The following LPP variants were observed in gnomAD, a reference collection of about 807,000 sequenced individuals.
LPP encodes LIM domain containing preferred translocation partner in lipoma, also known as lipoma-preferred partner.
Under a neutral mutation model 60.4 loss-of-function variants are expected in LPP, and 38 were observed. That is an observed-to-expected ratio of 0.63 (90% CI 0.49 to 0.83). The LOEUF (loss-of-function observed/expected upper bound fraction) is 0.83, where lower values mean the gene tolerates loss of function less well. Ranked by LOEUF, LPP falls within the 40% of genes least tolerant of loss-of-function variation. LPP has a pLI of 0.00. For missense variants in LPP, 902 were observed against 783.6 expected, an observed-to-expected ratio of 1.15 and a Z score of -1.80; for synonymous variants, 328 against 290.8, an observed-to-expected ratio of 1.13 and a Z score of -1.30.
At chr3:188,559,785 T>C (rs1199187888) in intron 6 of LPP, among the ~76,000 whole-genome samples, 2 of 152,106 alleles carry the variant, frequency 1.3e-5, no homozygotes, top group African/African-American at 4.8e-5. Flanking sequence ...CAATTTCTCG[T>C]CCGAGAATAT....
At chr3:188,438,929 A>T (rs9882818) in intron 4 of LPP, among the ~76,000 whole-genome samples, 1 of 151,918 alleles carries the variant, frequency 6.6e-6, no homozygotes. Context: ...CATTGAATGC[A>T]TATGTCTATT....
chr3:188,592,562 T>TTTGTTTG (rs1560607436), intron 6 of LPP, among the ~76,000 whole-genome samples: 1 of 53,748 alleles, frequency 1.9e-5, no homozygotes, highest in African/African-American at 5.9e-5. Context: ...TTTTTGTTTT[T>TTTGTTTG]TAAATGGAGT....
chr3:188,284,005 A>G (rs1376782150), intron 2 of LPP, among the ~76,000 whole-genome samples: 1 of 151,922 alleles, frequency 6.6e-6, no homozygotes, highest in Non-Finnish European at 1.5e-5. Context: ...AAATTAATAA[A>G]ACAAAAAGAG....
intron 3 of LPP, among the ~76,000 whole-genome samples, chr3:188,375,824 C>A (rs1338488322): frequency 6.6e-6 from 1 of 151,974 alleles, no homozygotes; most frequent in African/African-American, 2.4e-5. Context: ...ATCTTTCCTG[C>A]TTCTCTTGTG....
At chr3:188,765,878 TTTTTTTTTTG>T (rs1733915860) in intron 9 of LPP, among the ~76,000 whole-genome samples, 1 of 140,480 alleles carries the variant, frequency 7.1e-6, no homozygotes, top group African/African-American at 2.7e-5. Context: ...TTTTTTTTTT[TTTTTTTTTTG>T]GAGACAGGGT....
At chr3:188,461,045 C>T (rs947065989) in intron 4 of LPP, among the ~76,000 whole-genome samples, 3 of 152,166 alleles carry the variant, frequency 2.0e-5, no homozygotes, top group Non-Finnish European at 4.4e-5. Context: ...ACTTAGAGGA[C>T]TCCAGAGGAT....
chr3:188,592,557 G>GTTTGTTTTTTTTTTTTTTTTTT lies in LPP; in HGVS notation c.430-16601_430-16600insGTTTTTTTTTTTTTTTTTTTTT, dbSNP rs1260656926. Reference sequence around the variant, plus strand: ...TATCACTGTTTTTAGTTTTGTTTTTGTTTTTTAAATGGAGTCTCACTCTTT... The same window carrying GTTTGTTTTTTTTTTTTTTTTTT: ...TATCACTGTTTTTAGTTTTGTTTTTGTTTGTTTTTTTTTTTTTTTTTTTTTTTTAAATGGAGTCTCACTCTTT... On this transcript the variant is annotated intron_variant, in intron 6 of 11. Transcript: ENST00000617246. Among the ~76,000 whole-genome samples the GTTTGTTTTTTTTTTTTTTTTTT allele has an allele frequency of 3.1e-3, 265 of 85,626 alleles. 6 individuals are homozygous for GTTTGTTTTTTTTTTTTTTTTTT. The highest frequency in any genetic ancestry group is 6.7e-3 in the African/African-American group (148 of 22,064). 56.2% of individuals were successfully genotyped at this position (85,626 alleles called of 152,430 possible). A position where few individuals can be genotyped will look rare whatever the true frequency, so the allele number is the denominator to read the frequency against.
chr3:188,810,469 AAG>A (rs34911668), intron 9 of LPP, among the ~76,000 whole-genome samples: 31 of 149,884 alleles, frequency 2.1e-4, no homozygotes, highest in Non-Finnish European at 1.8e-4. Flanking sequence ...AAGAGAGAGA[AAG>A]AGAGAGAGAG....
intron 2 of LPP, among the ~76,000 whole-genome samples, chr3:188,239,648 A>G (rs1723158103): frequency 6.6e-6 from 1 of 152,146 alleles, no homozygotes; most frequent in Admixed American, 6.5e-5. Context: ...CTTGGGGCCC[A>G]TTGTTCAAAG....
intron 7 of LPP, among the ~76,000 whole-genome samples, chr3:188,676,348 T>C (rs556997990): frequency 2.9e-4 from 44 of 152,278 alleles, no homozygotes; most frequent in Non-Finnish European, 6.0e-4. Context: ...TTCAATAGTC[T>C]ACTCCGTGTC....
At chr3:188,606,766 C>G (rs1842455343) in intron 6 of LPP, among the ~76,000 whole-genome samples, 1 of 152,076 alleles carries the variant, frequency 6.6e-6, no homozygotes, top group South Asian at 2.1e-4. Flanking sequence ...TCAGATTTTT[C>G]TCGTCAATAA....
At chr3:188,438,304 T>C (rs546684208) in intron 4 of LPP, among the ~76,000 whole-genome samples, 2 of 149,168 alleles carry the variant, frequency 1.3e-5, no homozygotes, top group South Asian at 4.2e-4. Flanking sequence ...ATAATGAGAA[T>C]ACTAGTAAAA....
At chr3:188,295,108 T>C (rs1747416986) in intron 2 of LPP, among the ~76,000 whole-genome samples, 1 of 152,156 alleles carries the variant, frequency 6.6e-6, no homozygotes, top group Admixed American at 6.5e-5. Flanking sequence ...AGGAGAGCTG[T>C]GTTGCTAGCT....
At chr3:188,750,593 A>G (rs1727751623) in intron 8 of LPP, among the ~76,000 whole-genome samples, 1 of 152,122 alleles carries the variant, frequency 6.6e-6, no homozygotes, top group South Asian at 2.1e-4. Flanking sequence ...AGATCGCACC[A>G]CTGCACTCCA....
intron 9 of LPP, among the ~76,000 whole-genome samples, chr3:188,762,719 C>A (rs145351771): frequency 1.3e-5 from 2 of 151,820 alleles, no homozygotes; most frequent in African/African-American, 4.8e-5. Flanking sequence ...GATATTTAAT[C>A]GCGTACTTGG....
intron 9 of LPP, among the ~76,000 whole-genome samples, chr3:188,777,577 C>A (rs1020465807): frequency 1.3e-5 from 2 of 152,122 alleles, no homozygotes; most frequent in Non-Finnish European, 2.9e-5. Context: ...GATTGAGGAG[C>A]TAATTTTGCT....
intron 4 of LPP, among the ~76,000 whole-genome samples, chr3:188,416,308 C>T (rs938671679): frequency 1.3e-5 from 2 of 152,114 alleles, no homozygotes; most frequent in Non-Finnish European, 2.9e-5. Flanking sequence ...ACTTGGAGAA[C>T]ATTTTTCAAA....
chr3:188,396,172 A>T (rs1278564774), intron 3 of LPP, among the ~76,000 whole-genome samples: 2 of 152,212 alleles, frequency 1.3e-5, no homozygotes, highest in East Asian at 3.9e-4. Context: ...AAGCAGTGTT[A>T]TCAGATGTAA....
intron 7 of LPP, among the ~76,000 whole-genome samples, chr3:188,615,240 A>G (rs1031161593): frequency 6.6e-6 from 1 of 152,174 alleles, no homozygotes; most frequent in Non-Finnish European, 1.5e-5. Flanking sequence ...CTGATATGTT[A>G]CATTTTTAGT....
Sources: gnomAD v4.1 joint callset for allele counts (sites outside exome capture counted in the v4.1 genomes callset) on GRCh38, gnomAD v4.1.1 for gene constraint, MANE v1.5 for transcripts, NCBI Gene and HGNC (gene_info 2026-07-23, HGNC 2026-07-21) for gene names.